Variants in RAD54L2 observed in about 807,000 individuals in gnomAD.
The protein encoded by RAD54L2 is helicase ARIP4.
Under a neutral mutation model 138.4 loss-of-function variants are expected in RAD54L2, and 27 were observed. The ratio of observed to expected loss-of-function variants is 0.20; its 90% CI spans 0.14 to 0.27. The LOEUF is 0.27. Ranked by LOEUF, RAD54L2 falls within the 10% of genes least tolerant of loss-of-function variation. The probability of loss-of-function intolerance (pLI) is 1.00; values close to 1 mark genes in which losing one functional copy is unlikely to be tolerated. For synonymous variants in RAD54L2, 644 were observed against 723.2 expected (o/e 0.89, Z 1.76); for missense variants, 1,396 against 1,890.2 (o/e 0.74, Z 4.85).
At chr3:51,588,885 CTCGGTCT>C (rs971069251) in intron 2 of RAD54L2, among the ~76,000 whole-genome samples, 17 of 152,160 alleles carry the variant, frequency 1.1e-4, no homozygotes, top group Non-Finnish European at 2.4e-4. Context: ...GCCGTTGGTG[CTCGGTCT>C]TCCTGGAACA....
At chr3:51,595,669 A>AG (rs1300121895) in intron 3 of RAD54L2, among the ~76,000 whole-genome samples, 10 of 152,134 alleles carry the variant, frequency 6.6e-5, no homozygotes, top group Non-Finnish European at 1.0e-4. Flanking sequence ...CCTTCAAGTG[A>AG]GGAGAAGGTA....
At chr3:51,542,966 C>G (rs1189625582) in intron 2 of RAD54L2, among the ~76,000 whole-genome samples, 1 of 152,078 alleles carries the variant, frequency 6.6e-6, no homozygotes, top group Non-Finnish European at 1.5e-5. Flanking sequence ...CTATATGGCC[C>G]CTGATCAGGA....
chr3:51,660,966 T>G (rs1701753870), intron 22 of RAD54L2, among the ~76,000 whole-genome samples: 1 of 150,132 alleles, frequency 6.7e-6, no homozygotes, highest in Non-Finnish European at 1.5e-5. Context: ...TGCTCCTCCT[T>G]TTTTTGAGAC....
In RAD54L2 at chr3:51,663,224, C is replaced by A. The variant is rs774247757; in HGVS notation, c.4208C>A (p.Pro1403His). ...EPRMFAPFPSPVLPSNLSRGM... is the reference protein window; with the variant it reads ...EPRMFAPFPSHVLPSNLSRGM... ...AGGATGTTTGCGCCTTTTCCTTCCC[C>A]TGTCTTGCCCAGCAACCTTTCGCGG... The change falls in exon 23 of 23, where the codon CCT becomes CAT. Residue 1403 changes from proline to histidine, a missense_variant. Physicochemically the swap from Pro to His is moderately conservative, Grantham distance 77 (BLOSUM62 -2). Transcript: ENST00000684192. 1 of 1,613,974 alleles carries A rather than the reference C, an allele frequency of 6.2e-7. No homozygotes were observed.
intron 15 of RAD54L2, among the ~76,000 whole-genome samples, chr3:51,642,528 C>A (rs1701164972): frequency 6.6e-6 from 1 of 152,028 alleles, no homozygotes; most frequent in Non-Finnish European, 1.5e-5. Context: ...CAGACCTCAG[C>A]ACTGCTGACA....
At chr3:51,572,453 A>T (rs1699357374) in intron 2 of RAD54L2, among the ~76,000 whole-genome samples, 1 of 123,188 alleles carries the variant, frequency 8.1e-6, no homozygotes. Flanking sequence ...ACTCCGTCTT[A>T]AAAAAAAAAA....
chr3:51,665,665 G>A lies in RAD54L2; in HGVS notation c.*2245G>A, dbSNP rs1207633781. The A allele has an allele frequency of 6.6e-6, 1 of 152,226 alleles. No homozygotes were observed. The highest frequency in any genetic ancestry group is 1.5e-5 in the Non-Finnish European group (1 of 68,040). 9.4% of individuals were successfully genotyped at this position (152,226 alleles called of 1,614,324 possible). A position where few individuals can be genotyped will look rare whatever the true frequency, so the allele number is the denominator to read the frequency against. On this transcript the variant is annotated 3_prime_UTR_variant, in exon 23 of 23. Transcript: ENST00000684192. ...TGGATGGTGAAGGGACTCAGTTGGA[G>A]TGAGCTCTCAGGTTGAGGCTGGTGC...
chr3:51,609,169 G>A (rs758900151), intron 3 of RAD54L2, among the ~76,000 whole-genome samples: 3 of 152,142 alleles, frequency 2.0e-5, no homozygotes, highest in Non-Finnish European at 2.9e-5. Flanking sequence ...GAGCCACCGC[G>A]CCCAGCCTGT....
chr3:51,583,476 A>G (rs934249001), intron 2 of RAD54L2, among the ~76,000 whole-genome samples: 2 of 151,224 alleles, frequency 1.3e-5, no homozygotes, highest in African/African-American at 2.4e-5. Context: ...CTAGAGTGCA[A>G]TGGCCTGATC....
chr3:51,655,550 G>A (rs557368178), intron 19 of RAD54L2, among the ~76,000 whole-genome samples: 50 of 152,220 alleles, frequency 3.3e-4, no homozygotes, highest in African/African-American at 1.2e-3. Flanking sequence ...CCCTTTTTCC[G>A]TGGGTGAGTG....
rs914039893 is a variant in RAD54L2 at position 51,570,277 on chromosome 3, GGGATTACA to G, written c.-54-20087_-54-20080del. On this transcript the variant is annotated intron_variant, in intron 2 of 22. Transcript: ENST00000684192. ...TCCTCCCTCAGCCTCCTGAGTACCT[GGGATTACA>G]GGTGCCCGCCACCACGCCTGGCTAA... Among the ~76,000 whole-genome samples, 76 of 148,246 alleles carry G rather than the reference GGGATTACA, an allele frequency of 5.1e-4. 1 individual carries two copies. The highest frequency in any genetic ancestry group is 1.8e-3 in the African/African-American group (73 of 40,030).
At chr3:51,569,980 G>T (rs1699300463) in intron 2 of RAD54L2, among the ~76,000 whole-genome samples, 1 of 151,552 alleles carries the variant, frequency 6.6e-6, no homozygotes, top group South Asian at 2.1e-4. Flanking sequence ...CTACGGACGT[G>T]CACCACTATG....
At chr3:51,612,952 T>G (rs1252662447) in intron 3 of RAD54L2, among the ~76,000 whole-genome samples, 1 of 152,144 alleles carries the variant, frequency 6.6e-6, no homozygotes, top group Admixed American at 6.5e-5. Context: ...TATTTATTTA[T>G]TTTTTTGAGA....
intron 2 of RAD54L2, among the ~76,000 whole-genome samples, chr3:51,574,549 G>T (rs571806352): frequency 6.6e-6 from 1 of 152,310 alleles, no homozygotes; most frequent in Admixed American, 6.5e-5. Flanking sequence ...TAACTGGTAT[G>T]AAATGGTATC....
At chr3:51,564,023 G>A (rs187822616) in intron 2 of RAD54L2, among the ~76,000 whole-genome samples, 2 of 152,342 alleles carry the variant, frequency 1.3e-5, no homozygotes, top group Admixed American at 1.3e-4. Context: ...AATTGATTTA[G>A]GTATCAATGG....
intron 10 of RAD54L2, chr3:51,636,952 T>C: frequency 3.5e-6 from 2 of 574,840 alleles, no homozygotes; most frequent in Non-Finnish European, 6.2e-6. Flanking sequence ...AAAAAAAGAG[T>C]CAACTGCCAG....
chr3:51,630,074 G>A (rs1298211661), intron 5 of RAD54L2, among the ~76,000 whole-genome samples, 198 bp from the exon 6 acceptor site: 2 of 152,042 alleles, frequency 1.3e-5, no homozygotes, highest in African/African-American at 4.8e-5. Flanking sequence ...GTGGTCAGGT[G>A]GATAGCAGGA....
chr3:51,630,196 T>A lies in RAD54L2; in HGVS notation c.482-76T>A, dbSNP rs949338341. ...CATGAGAGCTATAAAAGAAAAGGGG[T>A]GGTGAATTGTTTTGGGAAATATGTT... On this transcript the variant is annotated intron_variant, in intron 5 of 22. Transcript: ENST00000684192. 8.3e-6 allele frequency: 9 copies of A among 1,090,112 alleles called. No homozygotes were observed. The African/African-American group carries it at 9.3e-5, about 11-fold the overall frequency. 67.5% of individuals were successfully genotyped at this position (1,090,112 alleles called of 1,614,324 possible). A position where few individuals can be genotyped will look rare whatever the true frequency, so the allele number is the denominator to read the frequency against.
At chr3:51,581,031 T>C (rs926485062) in intron 2 of RAD54L2, among the ~76,000 whole-genome samples, 2 of 152,174 alleles carry the variant, frequency 1.3e-5, no homozygotes, top group African/African-American at 2.4e-5. Flanking sequence ...CTATATACCA[T>C]GTAGGTGTAG....
Sources: gnomAD v4.1 joint callset for allele counts (sites outside exome capture counted in the v4.1 genomes callset) on GRCh38, gnomAD v4.1.1 for gene constraint, MANE v1.5 for transcripts, NCBI Gene and HGNC (gene_info 2026-07-23, HGNC 2026-07-21) for gene names.